The following RPH3A variants were observed in gnomAD, a reference collection of about 807,000 sequenced individuals.
RPH3A encodes the protein rabphilin 3A, also known as rabphilin-3A.
A neutral mutation model predicts 102.2 loss-of-function variants in RPH3A; 48 were observed. The observed-to-expected ratio is 0.47, with a 90% CI of 0.37 to 0.60. The LOEUF (loss-of-function observed/expected upper bound fraction) is 0.60. Ranked by LOEUF, RPH3A falls within the 20% of genes least tolerant of loss-of-function variation. The pLI is 0.00. For missense variants in RPH3A, 781 were observed against 910.1 expected, an observed-to-expected ratio of 0.86 and a Z score of 1.83; for synonymous variants, 310 against 324.3, an observed-to-expected ratio of 0.96 and a Z score of 0.47.
At chr12:112,607,860 T>C (rs2039608972) in intron 1 of RPH3A, among the ~76,000 whole-genome samples, 1 of 152,186 alleles carries the variant, frequency 6.6e-6, no homozygotes. Flanking sequence ...CGACATGTAG[T>C]TCATTTTATG....
Position 112,836,477 on chromosome 12 carries a change from C to T in RPH3A, c.72-14C>T, listed in dbSNP as rs763585908. 7.5e-7 allele frequency: 1 copy of T among 1,331,714 alleles called. No homozygotes were observed. Among genetic ancestry groups the T allele is most frequent in the Non-Finnish European group, 1.0e-6 (1 of 966,150 alleles). 82.5% of individuals were successfully genotyped at this position (1,331,714 alleles called of 1,614,324 possible). On this transcript the variant is annotated splice_polypyrimidine_tract_variant and intron_variant, in intron 3 of 21. Transcript: ENST00000389385. ...TTCATTTTTTCTTTCTCTCCTTTCTCTGCCTTCCTTCAGTGATAAAGAACA... is the reference window on the plus strand; with the variant it reads ...TTCATTTTTTCTTTCTCTCCTTTCTTTGCCTTCCTTCAGTGATAAAGAACA...
chr12:112,673,134 A>C (rs985772307), intron 1 of RPH3A, among the ~76,000 whole-genome samples: 2 of 151,986 alleles, frequency 1.3e-5, no homozygotes, highest in Admixed American at 6.6e-5. Flanking sequence ...CTTCCTGGAA[A>C]CCCCTTCCAA....
chr12:112,782,919 CAG>C (rs2136079141), intron 1 of RPH3A, among the ~76,000 whole-genome samples: 1 of 152,316 alleles, frequency 6.6e-6, no homozygotes, highest in East Asian at 1.9e-4. Flanking sequence ...AATTCCTGGA[CAG>C]AGTCTCATGG....
chr12:112,842,148 C>A (rs372344136), intron 4 of RPH3A, among the ~76,000 whole-genome samples: 6 of 152,312 alleles, frequency 3.9e-5, no homozygotes, highest in African/African-American at 1.4e-4. Flanking sequence ...TCAAAACATT[C>A]TATTCATTCA....
upstream of RPH3A, chr12:112,791,226 G>A (rs1402107448): frequency 6.6e-6 from 1 of 152,370 alleles, no homozygotes; most frequent in Middle Eastern, 3.4e-3. Flanking sequence ...AGGTCATCTG[G>A]GCGAAACTTT....
At chr12:112,690,339 C>T (rs1209000486) in intron 1 of RPH3A, among the ~76,000 whole-genome samples, 1 of 152,206 alleles carries the variant, frequency 6.6e-6, no homozygotes, top group African/African-American at 2.4e-5. Flanking sequence ...AGGGGCTCAG[C>T]CACCCCTTTT....
chr12:112,824,252 G>T (rs1204806427), intron 2 of RPH3A, among the ~76,000 whole-genome samples: 2 of 152,186 alleles, frequency 1.3e-5, no homozygotes, highest in Non-Finnish European at 2.9e-5. Flanking sequence ...GAAGAAGGGG[G>T]CTGTACTTTT....
intron 1 of RPH3A, among the ~76,000 whole-genome samples, chr12:112,627,550 T>C (rs1177462896): frequency 6.6e-6 from 1 of 151,980 alleles, no homozygotes; most frequent in Admixed American, 6.6e-5. Flanking sequence ...ATATTTAGTA[T>C]AGCATTTATT....
chr12:112,594,512 A>T (rs979223595), intron 1 of RPH3A, among the ~76,000 whole-genome samples: 1 of 151,990 alleles, frequency 6.6e-6, no homozygotes, highest in South Asian at 2.1e-4. Context: ...CCCTCCCTCC[A>T]TTTATTCATT....
At chr12:112,763,665 A>G (rs941602306) in intron 1 of RPH3A, among the ~76,000 whole-genome samples, 1 of 152,108 alleles carries the variant, frequency 6.6e-6, no homozygotes, top group Non-Finnish European at 1.5e-5. Context: ...ATAGATTGTA[A>G]ATGTTTCTTA....
At chr12:112,723,675 A>G (rs2040566802) in intron 1 of RPH3A, among the ~76,000 whole-genome samples, 1 of 152,226 alleles carries the variant, frequency 6.6e-6, no homozygotes, top group South Asian at 2.1e-4. Flanking sequence ...ACTTTTTACT[A>G]TGATACACAA....
chr12:112,867,273 C>T (rs1196276338), intron 7 of RPH3A, among the ~76,000 whole-genome samples: 1 of 152,062 alleles, frequency 6.6e-6, no homozygotes, highest in African/African-American at 2.4e-5. Flanking sequence ...CTTTTCTCGG[C>T]GATTTCTCTT....
At chr12:112,627,088 T>C (rs1439455537) in intron 1 of RPH3A, among the ~76,000 whole-genome samples, 16 of 121,370 alleles carry the variant, frequency 1.3e-4, no homozygotes, top group Non-Finnish European at 2.7e-4. Context: ...AGGGATAGCA[T>C]TGGGAGATAT....
intron 2 of RPH3A, among the ~76,000 whole-genome samples, chr12:112,811,772 G>A (rs1230467775): frequency 1.3e-5 from 2 of 152,206 alleles, no homozygotes; most frequent in Admixed American, 6.5e-5. Flanking sequence ...TTGGCTATGT[G>A]TGTGTATGTA....
At chr12:112,712,730 G>A (rs2040471367) in intron 1 of RPH3A, among the ~76,000 whole-genome samples, 1 of 151,774 alleles carries the variant, frequency 6.6e-6, no homozygotes, top group South Asian at 2.1e-4. Flanking sequence ...TTTTGTTTTT[G>A]AGACAGGGTC....
At chr12:112,577,821 G>A (rs2039370389) in intron 1 of RPH3A, among the ~76,000 whole-genome samples, 1 of 151,924 alleles carries the variant, frequency 6.6e-6, no homozygotes, top group African/African-American at 2.4e-5. Flanking sequence ...AAAATTACAG[G>A]TGTGAGCCAC....
intron 1 of RPH3A, among the ~76,000 whole-genome samples, chr12:112,681,956 T>C (rs1350166619): frequency 1.3e-5 from 2 of 152,228 alleles, no homozygotes; most frequent in Non-Finnish European, 2.9e-5. Context: ...TGCTACACTT[T>C]CTCTCTCATT....
chr12:112,599,668 A>C (rs764705351), intron 1 of RPH3A, among the ~76,000 whole-genome samples: 9 of 152,242 alleles, frequency 5.9e-5, no homozygotes, highest in Non-Finnish European at 1.0e-4. Flanking sequence ...AAAAATTTTA[A>C]CTGTAAAAGA....
chr12:112,696,884 A>T (rs1254018721), intron 1 of RPH3A, among the ~76,000 whole-genome samples: 2 of 151,902 alleles, frequency 1.3e-5, no homozygotes, highest in African/African-American at 4.8e-5. Context: ...ATTTTATGTC[A>T]TATGCTTTGG....
Sources: gnomAD v4.1 joint callset for allele counts (sites outside exome capture counted in the v4.1 genomes callset) on GRCh38, gnomAD v4.1.1 for gene constraint, MANE v1.5 for transcripts, NCBI Gene and HGNC (gene_info 2026-07-23, HGNC 2026-07-21) for gene names.